The following TRNT1 variants were observed in gnomAD, a reference collection of about 807,000 sequenced individuals.
The protein encoded by TRNT1 is tRNA nucleotidyl transferase 1.
TRNT1 carries 44 observed loss-of-function variants against 45.6 expected under a neutral mutation model. The observed-to-expected ratio is 0.97, with a 90% CI of 0.76 to 1.24. The LOEUF (loss-of-function observed/expected upper bound fraction) is 1.24. TRNT1 is among the 50% of genes most tolerant of loss of function. The pLI, the probability that TRNT1 is intolerant of heterozygous loss-of-function variation, is 0.00. For synonymous variants in TRNT1, 201 were observed against 171.4 expected, an observed-to-expected ratio of 1.17 and a Z score of -1.35; for missense variants, 633 against 504.4, an observed-to-expected ratio of 1.25 and a Z score of -2.44.
rs1440093235 is a variant in TRNT1, at chr3:3,147,967, G to A, written c.1118G>A (p.Cys373Tyr). The change falls in exon 8 of 8, where the codon TGT becomes TAT. Residue 373 changes from cysteine to tyrosine, a missense_variant. By Grantham distance (194) the Cys-to-Tyr change is radical. Coordinates refer to ENST00000251607, the MANE Select transcript of TRNT1 (RefSeq NM_182916.3). ...CELLKYQGEHCLLKEMQQWSI... is the reference protein window; with the variant it reads ...CELLKYQGEHYLLKEMQQWSI... ...CTACTGAAGTACCAAGGAGAGCACT[G>A]TCTCCTAAAGGAAATGCAGCAGTGG... 4 of 1,613,734 alleles carry A rather than the reference G, an allele frequency of 2.5e-6. No homozygotes were observed. Among genetic ancestry groups the A allele is most frequent in the Non-Finnish European group, 2.5e-6 (3 of 1,179,736 alleles).
chr3:3,144,435 T>G (rs763156765), intron 4 of TRNT1, 149 bp from the exon 5 acceptor site: 24 of 655,050 alleles, frequency 3.7e-5, no homozygotes, highest in Non-Finnish European at 4.8e-5. Flanking sequence ...TTCCATTTGA[T>G]AGTTGATATG....
chr3:3,147,641 G>T lies in TRNT1; in HGVS notation c.994G>T (p.Asp332Tyr). ...CTTATTTATAGTTAAAAATAGGAAAGATTTAATTAAAGCAACAGATAGTTC... is the reference window on the plus strand; with the variant it reads ...CTTATTTATAGTTAAAAATAGGAAATATTTAATTAAAGCAACAGATAGTTC... ...LGLFIVKNRK[D>Y]LIKATDSSDP... Residue 332 changes from aspartate to tyrosine, a missense_variant, in exon 7 of 8, where the codon GAT becomes TAT. Transcript: ENST00000251607. The T allele has an allele frequency of 6.2e-7, 1 of 1,613,740 alleles. No homozygotes were observed. The highest frequency in any genetic ancestry group is 2.2e-5 in the East Asian group (1 of 44,824).
At chr3:3,151,502 A>G (rs199520283), downstream of TRNT1, among the ~76,000 whole-genome samples, 1 of 151,800 alleles carries the variant, frequency 6.6e-6, no homozygotes, top group South Asian at 2.1e-4. Flanking sequence ...GTAAATATTT[A>G]TATTCTAAAA....
chr3:3,136,348 C>A (rs1176813593), intron 2 of TRNT1, among the ~76,000 whole-genome samples: 1 of 152,102 alleles, frequency 6.6e-6, no homozygotes, highest in Non-Finnish European at 1.5e-5. Flanking sequence ...GTGGATTTTG[C>A]CTTATCCTCT....
downstream of TRNT1, chr3:3,149,846 T>TTAAAG (rs1341740940): frequency 3.9e-5 from 6 of 152,150 alleles, no homozygotes; most frequent in African/African-American, 1.2e-4. Context: ...CTGATTAGTT[T>TTAAAG]TAAAGTAGCA....
At chr3:3,139,781 GCA>G (rs1403446725) in intron 3 of TRNT1, among the ~76,000 whole-genome samples, 5 of 152,134 alleles carry the variant, frequency 3.3e-5, no homozygotes, top group African/African-American at 1.2e-4. Flanking sequence ...AGGCTGGAGT[GCA>G]CAGTGTGATC....
downstream of TRNT1, chr3:3,153,412 T>C (rs1357147653): frequency 1.4e-6 from 2 of 1,423,112 alleles, no homozygotes; most frequent in Admixed American, 1.7e-5. Flanking sequence ...AAAAACGTAA[T>C]AAAGACCTTA....
At chr3:3,153,238 T>A, downstream of TRNT1, 1 of 552,912 alleles carries the variant, frequency 1.8e-6, no homozygotes, top group Non-Finnish European at 3.3e-6. Flanking sequence ...ATCCCTGACA[T>A]GCATTGTTGC....
intron 1 of TRNT1, among the ~76,000 whole-genome samples, chr3:3,128,732 T>G (rs1476075982): frequency 6.6e-6 from 1 of 151,916 alleles, no homozygotes; most frequent in South Asian, 2.1e-4. Flanking sequence ...GCTGGCTCTT[T>G]CAGCTTTTAA....
At chr3:3,136,693 C>T (rs1705349943) in intron 2 of TRNT1, 5 of 415,512 alleles carry the variant, frequency 1.2e-5, no homozygotes, top group Admixed American at 2.9e-5. Context: ...CTTGCTCTGT[C>T]ACCCAGGCTG....
intron 3 of TRNT1, among the ~76,000 whole-genome samples, chr3:3,138,373 G>T (rs334766): frequency 0.51 from 77,147 of 152,058 alleles, 21,763 homozygotes; most frequent in Middle Eastern, 0.69. Flanking sequence ...GTTCCATTTA[G>T]ATTTCTCTTT....
At chr3:3,152,557 A>G (rs891991905), downstream of TRNT1, 11 of 1,614,172 alleles carry the variant, frequency 6.8e-6, no homozygotes, top group Middle Eastern at 1.6e-4. Context: ...GAGGATTCAC[A>G]TAAGCTGCCA....
chr3:3,147,657 C>T lies in TRNT1; in HGVS notation c.1010C>T (p.Thr337Ile). ...AATAGGAAAGATTTAATTAAAGCAA[C>T]AGATAGTTCAGACCCATTGAAACCC... ...VKNRKDLIKATDSSDPLKPYQ... is the reference protein window; with the variant it reads ...VKNRKDLIKAIDSSDPLKPYQ... Residue 337 changes from threonine (T) to isoleucine (I), a missense_variant, in exon 7 of 8, where the codon ACA becomes ATA. Coordinates refer to ENST00000251607, the MANE Select transcript of TRNT1 (RefSeq NM_182916.3). 6.2e-7 allele frequency: 1 copy of T among 1,613,622 alleles called. No individual in the cohort carries two copies. The highest frequency in any genetic ancestry group is 1.3e-5 in the African/African-American group (1 of 75,010).
At chr3:3,144,814 T>A in intron 5 of TRNT1, 104 bp downstream of exon 5, 1 of 1,190,446 alleles carries the variant, frequency 8.4e-7, no homozygotes, top group Non-Finnish European at 1.1e-6. Flanking sequence ...AATGGTGACA[T>A]CCCAAATGTC....
chr3:3,149,646 A>AAATT (rs1706342668), downstream of TRNT1: 1 of 152,056 alleles, frequency 6.6e-6, no homozygotes, highest in South Asian at 2.1e-4. Flanking sequence ...CACAAACCCA[A>AAATT]AATTATTAAA....
chr3:3,135,069 GGGTAGGTTTTC>G (rs1340879487), intron 2 of TRNT1, among the ~76,000 whole-genome samples: 4 of 152,118 alleles, frequency 2.6e-5, no homozygotes, highest in African/African-American at 9.7e-5. Context: ...ATGGTACGAA[GGGTAGGTTTTC>G]TTTTATGATA....
At chr3:3,130,195 CA>C (rs753871472) in intron 2 of TRNT1, 269 of 520,602 alleles carry the variant, frequency 5.2e-4, no homozygotes, top group Non-Finnish European at 6.8e-4. Flanking sequence ...ACCTATACAG[CA>C]CTGGCTATCT....
downstream of TRNT1, chr3:3,150,861 C>CTGTT (rs771889687): frequency 1.2e-6 from 2 of 1,612,378 alleles, no homozygotes; most frequent in Admixed American, 3.3e-5. Context: ...TCTATCACAT[C>CTGTT]TGTTTACAAG....
At chr3:3,145,540 C>G (rs1460488861) in intron 5 of TRNT1, 1 of 148,684 alleles carries the variant, frequency 6.7e-6, no homozygotes, top group Non-Finnish European at 1.5e-5. Context: ...CTTGGATAAA[C>G]TTGGTAAATA....
Sources: allele counts gnomAD v4.1 joint callset (sites outside exome capture counted in the v4.1 genomes callset), GRCh38; gene constraint gnomAD v4.1.1; transcripts MANE v1.5; gene names NCBI Gene and HGNC (gene_info 2026-07-23, HGNC 2026-07-21).